The following TMEM178B variants were observed in gnomAD, a reference collection of about 807,000 sequenced individuals.
The protein encoded by TMEM178B is transmembrane protein 178B.
TMEM178B carries 5 observed loss-of-function variants against 31.0 expected under a neutral mutation model. The ratio of observed to expected loss-of-function variants is 0.16; its 90% CI spans 0.08 to 0.34. TMEM178B has a LOEUF of 0.34. Ranked by LOEUF, TMEM178B falls within the 10% of genes least tolerant of loss-of-function variation. The pLI is 1.00. For synonymous variants in TMEM178B, 164 were observed against 164.0 expected, an observed-to-expected ratio of 1.00 and a Z score of 0.00; for missense variants, 275 against 400.3, an observed-to-expected ratio of 0.69 and a Z score of 2.67.
downstream of TMEM178B, among the ~76,000 whole-genome samples, chr7:141,483,628 T>A (rs1029908065): frequency 6.6e-6 from 1 of 152,210 alleles, no homozygotes; most frequent in Non-Finnish European, 1.5e-5. Flanking sequence ...TTAGCAAATA[T>A]GAGAGTGCCT....
At chr7:141,500,771 A>G in the TMEM178B span, among the ~76,000 whole-genome samples, 3 of 152,198 alleles carry the variant, frequency 2.0e-5, no homozygotes, top group Non-Finnish European at 4.4e-5. Context: ...GCCTCTGACT[A>G]GAATAGATCC....
chr7:141,145,920 T>C (rs893182404), intron 1 of TMEM178B, among the ~76,000 whole-genome samples: 5 of 152,180 alleles, frequency 3.3e-5, no homozygotes, highest in South Asian at 4.1e-4. Context: ...TAGTTTGCAA[T>C]TGTTCATCTA....
chr7:141,447,465 A>C (rs1801780947), intron 3 of TMEM178B, among the ~76,000 whole-genome samples: 1 of 152,038 alleles, frequency 6.6e-6, no homozygotes, highest in Non-Finnish European at 1.5e-5. Flanking sequence ...AATGAGACAG[A>C]GATGACTCCG....
intron 1 of TMEM178B, among the ~76,000 whole-genome samples, chr7:141,115,423 C>T (rs941444103): frequency 1.3e-5 from 2 of 151,966 alleles, no homozygotes; most frequent in Non-Finnish European, 1.5e-5. Context: ...GCAGAAAAGC[C>T]GGGTGGGGCC....
intron 1 of TMEM178B, among the ~76,000 whole-genome samples, chr7:141,203,513 A>T (rs1413719492): frequency 1.3e-5 from 2 of 152,154 alleles, no homozygotes; most frequent in African/African-American, 4.8e-5. Context: ...TTTCCTCATC[A>T]GTGGATGTAT....
intron 3 of TMEM178B, among the ~76,000 whole-genome samples, chr7:141,442,710 GGCTT>G (rs1801684295): frequency 6.6e-6 from 1 of 152,096 alleles, no homozygotes; most frequent in Admixed American, 6.5e-5. Context: ...TTTTAGAGAG[GGCTT>G]TCTTGACCAC....
intron 3 of TMEM178B, among the ~76,000 whole-genome samples, chr7:141,463,558 T>G (rs965616963): frequency 2.3e-4 from 35 of 152,354 alleles, no homozygotes; most frequent in African/African-American, 7.0e-4. Flanking sequence ...CCTGCCCTCC[T>G]TCCCAGTGGC....
chr7:141,345,066 C>T (rs1033488257), intron 2 of TMEM178B, among the ~76,000 whole-genome samples: 2 of 152,076 alleles, frequency 1.3e-5, no homozygotes, highest in African/African-American at 4.8e-5. Flanking sequence ...TGAAAAAGAG[C>T]TTGGAAAGAA....
intron 1 of TMEM178B, among the ~76,000 whole-genome samples, chr7:141,199,041 G>T (rs773151629): frequency 6.6e-6 from 1 of 152,152 alleles, no homozygotes; most frequent in Admixed American, 6.5e-5. Flanking sequence ...GAGCGAAGTG[G>T]GGAAAAAGCA....
At chr7:141,283,212 G>T (rs905491990) in intron 2 of TMEM178B, among the ~76,000 whole-genome samples, 1 of 152,206 alleles carries the variant, frequency 6.6e-6, no homozygotes, top group African/African-American at 2.4e-5. Flanking sequence ...GCAAAGGGAG[G>T]TTGGTTCAAA....
intron 3 of TMEM178B, among the ~76,000 whole-genome samples, chr7:141,464,439 C>G (rs1362423338): frequency 6.6e-6 from 1 of 152,184 alleles, no homozygotes; most frequent in Non-Finnish European, 1.5e-5. Flanking sequence ...ATAACAAACT[C>G]AGGTCTCTTC....
chr7:141,230,607 C>T (rs187944819), intron 2 of TMEM178B, among the ~76,000 whole-genome samples: 68 of 152,230 alleles, frequency 4.5e-4, no homozygotes, highest in Middle Eastern at 3.4e-3. Context: ...CACTTTCCCC[C>T]TTATTTAATC....
Position 141,115,909 on chromosome 7 carries a change from A to G in TMEM178B, c.382+41217A>G, listed in dbSNP as rs576506233. On this transcript the variant is annotated intron_variant, in intron 1 of 3. Coordinates refer to ENST00000565468, the MANE Select transcript of TMEM178B (RefSeq NM_001195278.2). ...TAAACTCCTAGTACTTAAAGCTCTC[A>G]TATATCCATGAAACCAGATGAGATT... is the stretch of plus-strand genomic sequence containing the variant. Among the ~76,000 whole-genome samples, 3 of 152,362 alleles carry G rather than the reference A, an allele frequency of 2.0e-5. No individual in the cohort carries two copies. The East Asian group carries it at 5.8e-4, about 29-fold the overall frequency.
rs1794571139 is a variant in TMEM178B, at chr7:141,074,835, G to A, written c.382+143G>A. The A allele has an allele frequency of 8.3e-7, 1 of 1,201,532 alleles. No individual in the cohort carries two copies. The highest frequency in any genetic ancestry group is 1.1e-6 in the Non-Finnish European group (1 of 889,276). 74.4% of individuals were successfully genotyped at this position (1,201,532 alleles called of 1,614,324 possible). A position where few individuals can be genotyped will look rare whatever the true frequency, so the allele number is the denominator to read the frequency against. On this transcript the variant is annotated intron_variant, in intron 1 of 3. Coordinates refer to ENST00000565468, the MANE Select transcript of TMEM178B (RefSeq NM_001195278.2). This position sits in a 1 kb window ranked among gnomAD's most constrained non-coding sequence, Gnocchi z 5.1. ...GGTTATCCAGGCCTGGCTGAGCCTC[G>A]GGGCCAGGACTTGCCTCCCAATAGC...
At chr7:141,078,406 T>C (rs1415650661) in intron 1 of TMEM178B, among the ~76,000 whole-genome samples, 2 of 152,096 alleles carry the variant, frequency 1.3e-5, no homozygotes, top group African/African-American at 4.8e-5. Flanking sequence ...AATCACAGAG[T>C]GGTTGTCAAT....
intron 1 of TMEM178B, among the ~76,000 whole-genome samples, chr7:141,077,135 A>G (rs1238235334): frequency 1.3e-5 from 2 of 152,246 alleles, no homozygotes; most frequent in Non-Finnish European, 2.9e-5. Context: ...AGATGGGCAG[A>G]TTTTATAAGG....
At chr7:141,216,783 A>T (rs1009305799) in intron 2 of TMEM178B, among the ~76,000 whole-genome samples, 1 of 152,112 alleles carries the variant, frequency 6.6e-6, no homozygotes, top group Non-Finnish European at 1.5e-5. Context: ...CTACCCACCC[A>T]CTATCTGGCT....
intron 1 of TMEM178B, among the ~76,000 whole-genome samples, chr7:141,174,423 AGTGCGCAT>A (rs1381317173): frequency 1.3e-5 from 2 of 152,142 alleles, no homozygotes; most frequent in African/African-American, 2.4e-5. Flanking sequence ...AATAAACATA[AGTGCGCAT>A]GTGTCTTTAT....
intron 2 of TMEM178B, among the ~76,000 whole-genome samples, chr7:141,262,474 A>AT (rs1798028077): frequency 1.5e-5 from 2 of 131,866 alleles, no homozygotes; most frequent in African/African-American, 3.0e-5. Context: ...AAATACATAT[A>AT]ATATATATAT....
Sources: allele counts gnomAD v4.1 joint callset (sites outside exome capture counted in the v4.1 genomes callset), GRCh38; gene constraint gnomAD v4.1.1; non-coding constraint Gnocchi (gnomAD v3.1); transcripts MANE v1.5; gene names NCBI Gene and HGNC (gene_info 2026-07-23, HGNC 2026-07-21).